The following PROS1 variants were observed in gnomAD, a reference collection of about 807,000 sequenced individuals.
The protein encoded by PROS1 is vitamin K-dependent protein S.
PROS1 carries 29 observed loss-of-function variants against 75.9 expected under a neutral mutation model. The observed-to-expected ratio is 0.38, with a 90% CI of 0.28 to 0.52. The LOEUF is 0.52. Ranked by LOEUF, PROS1 falls within the 20% of genes least tolerant of loss-of-function variation. PROS1 has a pLI of 0.83. For missense variants in PROS1, 680 were observed against 810.3 expected (o/e 0.84, Z 1.95); for synonymous variants, 245 against 280.6 (o/e 0.87, Z 1.27).
chr3:93,956,424 G>C (rs569080596), intron 1 of PROS1, among the ~76,000 whole-genome samples: 2 of 152,026 alleles, frequency 1.3e-5, no homozygotes, highest in East Asian at 1.9e-4. Flanking sequence ...CTAAGCCTGG[G>C]AGGCTGAGGC....
intron 5 of PROS1, 27 bp from the exon 6 acceptor site, chr3:93,905,942 T>G (rs373803256): frequency 4.7e-5 from 76 of 1,612,346 alleles, no homozygotes; most frequent in Admixed American, 6.7e-5. Flanking sequence ...ATAAATTATT[T>G]TTAAAGTAAT....
chr3:93,937,889 C>T lies in PROS1; in HGVS notation c.77-10482G>A, dbSNP rs180835274. ...AAATAAGAACACTTTTGCCTAAAGA[C>T]GCCTACAATGAAAGGAAGAACCCTT... On this transcript the variant is annotated intron_variant, in intron 1 of 14. Coordinates refer to ENST00000394236, the MANE Select transcript of PROS1 (RefSeq NM_000313.4). 1.3e-4 allele frequency among the ~76,000 whole-genome samples: 20 copies of T among 152,260 alleles called. No individual in the cohort carries two copies. In the East Asian group the frequency reaches 2.5e-3, roughly 19 times the overall value.
intron 1 of PROS1, among the ~76,000 whole-genome samples, chr3:93,930,619 G>A (rs1709092860): frequency 2.0e-5 from 3 of 152,144 alleles, no homozygotes; most frequent in Admixed American, 1.3e-4. Flanking sequence ...AGGGTACAAA[G>A]CAGGTGTAAT....
chr3:93,963,367 G>T (rs1709737232), intron 1 of PROS1, among the ~76,000 whole-genome samples: 1 of 152,090 alleles, frequency 6.6e-6, no homozygotes, highest in South Asian at 2.1e-4. Flanking sequence ...AATAAGATGA[G>T]CCTAAAGGCA....
At chr3:93,952,898 TC>T (rs1709528604) in intron 1 of PROS1, among the ~76,000 whole-genome samples, 1 of 152,008 alleles carries the variant, frequency 6.6e-6, no homozygotes, top group Non-Finnish European at 1.5e-5. Flanking sequence ...AAAGGAGATA[TC>T]ACCACCAATC....
intron 1 of PROS1, among the ~76,000 whole-genome samples, chr3:93,949,211 C>T (rs1346177885): frequency 6.6e-6 from 1 of 152,136 alleles, no homozygotes; most frequent in East Asian, 1.9e-4. Flanking sequence ...TTAGGCAGTG[C>T]CACACCACAA....
chr3:93,955,856 A>G (rs1709589907), intron 1 of PROS1, among the ~76,000 whole-genome samples: 1 of 152,234 alleles, frequency 6.6e-6, no homozygotes, highest in African/African-American at 2.4e-5. Context: ...ATATATTTTA[A>G]GTTGGCTATA....
rs576012199 is a variant in PROS1 at position 93,921,265 on chromosome 3, G to A, written c.259+2975C>T. Among the ~76,000 whole-genome samples the A allele has an allele frequency of 2.5e-4, 38 of 152,146 alleles. No individual in the cohort carries two copies. In the East Asian group the frequency reaches 3.9e-3, roughly 15 times the overall value. On this transcript the variant is annotated intron_variant, in intron 3 of 14. Coordinates refer to ENST00000394236, the MANE Select transcript of PROS1 (RefSeq NM_000313.4). The stretch of plus-strand genomic sequence containing the variant: ...TATTATTTTTAACACACTTAAGATC[G>A]GACTGAATATCATTTTATTTAGAAT...
intron 2 of PROS1, among the ~76,000 whole-genome samples, chr3:93,926,683 T>TA (rs1311223961): frequency 6.6e-6 from 1 of 152,200 alleles, no homozygotes; most frequent in Non-Finnish European, 1.5e-5. Context: ...TGAAGCATTG[T>TA]AATAATAATC....
intron 1 of PROS1, among the ~76,000 whole-genome samples, chr3:93,964,919 T>G (rs1259725707): frequency 6.6e-6 from 1 of 152,182 alleles, no homozygotes; most frequent in Admixed American, 6.5e-5. Context: ...AGGTTCGGAT[T>G]TCCTAGGCCA....
chr3:93,924,736 C>T (rs1393832496), intron 2 of PROS1, among the ~76,000 whole-genome samples: 2 of 150,584 alleles, frequency 1.3e-5, no homozygotes, highest in East Asian at 3.9e-4. Flanking sequence ...GACCATGACT[C>T]ACTGCAGCCT....
In PROS1 at chr3:93,893,073, G is replaced by A. The variant is rs775553965; in HGVS notation, c.1015C>T (p.Leu339=). Reference sequence around the variant, plus strand: ...GAGTGATCGATAGATTCTGCGTACAGTATCACGCCTTCTGAATCATATGTC... The same window carrying A: ...GAGTGATCGATAGATTCTGCGTACAATATCACGCCTTCTGAATCATATGTC... The part of the protein sequence containing the change: ...FRTYDSEGVI[L]YAESIDHSAW... The change falls in exon 10 of 15, where the codon CTG becomes TTG. Residue 339 remains leucine, a synonymous_variant. Coordinates refer to ENST00000394236, the MANE Select transcript of PROS1 (RefSeq NM_000313.4). 6.2e-7 allele frequency: 1 copy of A among 1,614,092 alleles called. No individual in the cohort carries two copies. The highest frequency in any genetic ancestry group is 8.5e-7 in the Non-Finnish European group (1 of 1,179,976).
intron 1 of PROS1, among the ~76,000 whole-genome samples, chr3:93,937,804 C>G (rs1709210004): frequency 6.6e-6 from 1 of 152,074 alleles, no homozygotes; most frequent in African/African-American, 2.4e-5. Flanking sequence ...CAATATAAAA[C>G]AATATGAGAG....
chr3:93,893,229 A>G, intron 9 of PROS1, 107 bp from the exon 10 acceptor site: 2 of 1,018,626 alleles, frequency 2.0e-6, no homozygotes, highest in Non-Finnish European at 3.0e-6. Flanking sequence ...CAAAGAGTCA[A>G]TTATTTATTT....
chr3:93,883,059 G>A (rs545610407), intron 12 of PROS1, among the ~76,000 whole-genome samples: 1 of 152,274 alleles, frequency 6.6e-6, no homozygotes, highest in East Asian at 1.9e-4. Flanking sequence ...GAGAGTCAGG[G>A]AAGAGGAACA....
chr3:93,896,854 C>A (rs1176535708), intron 8 of PROS1, among the ~76,000 whole-genome samples, 163 bp from the exon 9 acceptor site: 2 of 152,048 alleles, frequency 1.3e-5, no homozygotes, highest in Admixed American at 1.3e-4. Flanking sequence ...ACATATCTTC[C>A]ATTTCCTTGT....
rs529062094 is a variant in PROS1, at chr3:93,915,060, T to C, written c.260-4355A>G. Among the ~76,000 whole-genome samples, 7 of 152,370 alleles carry C rather than the reference T, an allele frequency of 4.6e-5. 1 individual carries two copies. The highest frequency in any genetic ancestry group is 1.0e-4 in the Non-Finnish European group (7 of 68,028). Reference sequence around the variant, plus strand: ...CTCTCCTAAAGACCTTTTCACTCTTTATATGACCAGGCTGCGAATTTCCCA... The same window carrying C: ...CTCTCCTAAAGACCTTTTCACTCTTCATATGACCAGGCTGCGAATTTCCCA... On this transcript the variant is annotated intron_variant, in intron 3 of 14. Transcript: ENST00000394236.
intron 2 of PROS1, among the ~76,000 whole-genome samples, chr3:93,925,728 A>G (rs950379331): frequency 6.7e-6 from 1 of 150,318 alleles, no homozygotes; most frequent in Non-Finnish European, 1.5e-5. Context: ...GGAGGCTGAG[A>G]CGGGAGGATT....
At chr3:93,941,288 G>A (rs1436742750) in intron 1 of PROS1, among the ~76,000 whole-genome samples, 3 of 152,020 alleles carry the variant, frequency 2.0e-5, no homozygotes, top group Non-Finnish European at 4.4e-5. Context: ...ATTCTCCATG[G>A]GATATCAAGT....
Sources: allele counts gnomAD v4.1 joint callset (sites outside exome capture counted in the v4.1 genomes callset), GRCh38; gene constraint gnomAD v4.1.1; transcripts MANE v1.5; gene names NCBI Gene and HGNC (gene_info 2026-07-23, HGNC 2026-07-21).